The following GRM8 variants were observed in gnomAD, a reference collection of about 807,000 sequenced individuals.
The protein encoded by GRM8 is glutamate metabotropic receptor 8.
In GRM8, 47 loss-of-function variants were observed where a neutral mutation model predicts 87.2. The ratio of observed to expected loss-of-function variants is 0.54; its 90% CI spans 0.43 to 0.69. The LOEUF is 0.69. Ranked by LOEUF, GRM8 falls within the 30% of genes least tolerant of loss-of-function variation. The pLI is 0.00. For synonymous variants in GRM8, 396 were observed against 404.5 expected (o/e 0.98, Z 0.25); for missense variants, 1,019 against 1,139.2 (o/e 0.89, Z 1.52).
chr7:127,185,400 G>A (rs1375320667), intron 2 of GRM8, among the ~76,000 whole-genome samples: 2 of 152,006 alleles, frequency 1.3e-5, no homozygotes, highest in Non-Finnish European at 2.9e-5. Flanking sequence ...GGAATATTTG[G>A]ATGTTTATAT....
intron 6 of GRM8, among the ~76,000 whole-genome samples, chr7:126,781,290 T>C (rs1820046771): frequency 6.6e-6 from 1 of 152,206 alleles, no homozygotes; most frequent in Non-Finnish European, 1.5e-5. Flanking sequence ...GAATGTAACC[T>C]GCCTTATTTG....
chr7:126,973,436 A>C (rs1292746284), intron 3 of GRM8, among the ~76,000 whole-genome samples: 1 of 152,252 alleles, frequency 6.6e-6, no homozygotes, highest in Non-Finnish European at 1.5e-5. Context: ...TAGGGATAAT[A>C]ACATCTATCC....
At chr7:127,115,690 T>C (rs531497758) in intron 2 of GRM8, among the ~76,000 whole-genome samples, 9 of 152,204 alleles carry the variant, frequency 5.9e-5, no homozygotes, top group Admixed American at 2.0e-4. Flanking sequence ...CATTTTACAA[T>C]AAGAAAGCAC....
At chr7:126,782,293 G>A (rs974998393) in intron 6 of GRM8, among the ~76,000 whole-genome samples, 5 of 152,178 alleles carry the variant, frequency 3.3e-5, no homozygotes, top group Non-Finnish European at 7.3e-5. Context: ...AGGTGAAACT[G>A]AGACAGAGGA....
In GRM8 at chr7:126,527,960, T is replaced by C. The variant is rs762947162; in HGVS notation, c.2430+4992A>G. 5.9e-5 allele frequency among the ~76,000 whole-genome samples: 9 copies of C among 152,192 alleles called. No homozygotes were observed. The South Asian group carries it at 1.5e-3, about 25-fold the overall frequency. ...AGTGGCTCATGCCTGTAATCCAGCA[T>C]TTTGGGAGGCTAAGGCGGGCGGATC... On this transcript the variant is annotated intron_variant, in intron 9 of 10. Coordinates refer to ENST00000339582, the MANE Select transcript of GRM8 (RefSeq NM_000845.3).
At chr7:126,454,031 G>A (rs946745731) in intron 9 of GRM8, among the ~76,000 whole-genome samples, 7 of 151,558 alleles carry the variant, frequency 4.6e-5, no homozygotes, top group Non-Finnish European at 8.9e-5. Flanking sequence ...ACAGCAATGG[G>A]GATGTCTTTA....
intron 2 of GRM8, among the ~76,000 whole-genome samples, chr7:127,226,431 T>C (rs1357757619): frequency 6.6e-6 from 1 of 152,238 alleles, no homozygotes; most frequent in Non-Finnish European, 1.5e-5. Flanking sequence ...CCAACTCTAA[T>C]AGATTTTTCT....
chr7:126,997,653 C>A (rs1813320795), intron 3 of GRM8, among the ~76,000 whole-genome samples: 1 of 151,152 alleles, frequency 6.6e-6, no homozygotes, highest in Admixed American at 6.6e-5. Context: ...CTACTATGAG[C>A]AATTATATGC....
At chr7:126,490,421 C>T (rs1807871049) in intron 9 of GRM8, among the ~76,000 whole-genome samples, 1 of 152,006 alleles carries the variant, frequency 6.6e-6, no homozygotes. Context: ...AAAGACTAGC[C>T]TTAGAGAGCT....
chr7:126,710,307 T>C (rs1029254606), intron 7 of GRM8, among the ~76,000 whole-genome samples: 3 of 152,196 alleles, frequency 2.0e-5, no homozygotes, highest in South Asian at 2.1e-4. Context: ...AAGTACGGCA[T>C]TGATTGACAT....
rs200302791 is a variant in GRM8 at position 126,971,186 on chromosome 7, ACTAT to A, written c.728-66507_728-66504del. On this transcript the variant is annotated intron_variant, in intron 3 of 10. Transcript: ENST00000339582. ...AAAAAAAAAAAAAAAAAAAAAAAAC[ACTAT>A]CTGTAAAGTACAATAAAGTGAGGTG... Among the ~76,000 whole-genome samples, 134 of 128,466 alleles carry A rather than the reference ACTAT, an allele frequency of 1.0e-3. 5 individuals are homozygous for A. In the East Asian group the frequency reaches 0.028, roughly 27 times the overall value. The allele number at this position is 128,466 out of a possible 152,430, so 84.3% of individuals were successfully genotyped here.
chr7:126,544,478 C>A (rs983333052), intron 8 of GRM8, among the ~76,000 whole-genome samples: 3 of 151,938 alleles, frequency 2.0e-5, no homozygotes, highest in African/African-American at 7.3e-5. Context: ...GTTTGGAAGA[C>A]CTAACAAATT....
At chr7:126,730,696 C>T (rs1195535981) in intron 7 of GRM8, among the ~76,000 whole-genome samples, 1 of 151,844 alleles carries the variant, frequency 6.6e-6, no homozygotes, top group Non-Finnish European at 1.5e-5. Context: ...GTGCGATAAA[C>T]AAAACAGCAA....
At chr7:126,866,239 CT>C in intron 6 of GRM8, among the ~76,000 whole-genome samples, 1 of 152,236 alleles carries the variant, frequency 6.6e-6, no homozygotes, top group South Asian at 2.1e-4. Context: ...GGAGAAATGT[CT>C]GTTCAAATCC....
intron 6 of GRM8, among the ~76,000 whole-genome samples, chr7:126,837,114 A>G (rs997396346): frequency 1.5e-4 from 23 of 152,034 alleles, no homozygotes; most frequent in Non-Finnish European, 2.8e-4. Context: ...TTTTAAATTG[A>G]TCATTATAGT....
chr7:127,192,829 C>A (rs906898257), intron 2 of GRM8, among the ~76,000 whole-genome samples: 1 of 152,130 alleles, frequency 6.6e-6, no homozygotes, highest in African/African-American at 2.4e-5. Context: ...CTGCTTTCAC[C>A]CACTCCCACT....
At chr7:126,564,588 T>TA (rs1371877768) in intron 8 of GRM8, among the ~76,000 whole-genome samples, 3 of 152,002 alleles carry the variant, frequency 2.0e-5, no homozygotes, top group African/African-American at 4.8e-5. Flanking sequence ...AAACCAGTAA[T>TA]AAAAAATGTC....
At chr7:126,970,447 C>A (rs1451546843) in intron 3 of GRM8, among the ~76,000 whole-genome samples, 11 of 152,122 alleles carry the variant, frequency 7.2e-5, no homozygotes, top group Non-Finnish European at 5.9e-5. Flanking sequence ...TTTCCTGAAA[C>A]CTCAGATTCT....
chr7:126,663,493 CA>C (rs1352354019), intron 7 of GRM8, among the ~76,000 whole-genome samples: 1 of 152,140 alleles, frequency 6.6e-6, no homozygotes, highest in Non-Finnish European at 1.5e-5. Context: ...TCAACATATG[CA>C]AATCAATAAA....
Sources: gnomAD v4.1 joint callset for allele counts (sites outside exome capture counted in the v4.1 genomes callset) on GRCh38, gnomAD v4.1.1 for gene constraint, MANE v1.5 for transcripts, NCBI Gene and HGNC (gene_info 2026-07-23, HGNC 2026-07-21) for gene names.